RBM19: variants seen among roughly 807,000 people sequenced by gnomAD.
RBM19 encodes probable RNA-binding protein 19.
A neutral mutation model predicts 116.8 loss-of-function variants in RBM19; 94 were observed. The ratio of observed to expected loss-of-function variants is 0.80; its 90% CI spans 0.68 to 0.95. The LOEUF (loss-of-function observed/expected upper bound fraction) is 0.95. Ranked by LOEUF, RBM19 falls within the 40% of genes least tolerant of loss-of-function variation. The pLI, the probability that RBM19 is intolerant of heterozygous loss-of-function variation, is 0.00. For missense variants in RBM19, 1,161 were observed against 1,220.7 expected, an observed-to-expected ratio of 0.95 and a Z score of 0.73; for synonymous variants, 475 against 494.1, an observed-to-expected ratio of 0.96 and a Z score of 0.51.
intron 9 of RBM19, 58 bp downstream of exon 9, chr12:113,950,025 A>C: frequency 7.0e-7 from 1 of 1,437,168 alleles, no homozygotes; most frequent in Admixed American, 1.7e-5. Context: ...TGTAAAGGAA[A>C]TGAAGGAACG....
chr12:113,911,604 A>G (rs567505834), intron 21 of RBM19, among the ~76,000 whole-genome samples: 1 of 152,190 alleles, frequency 6.6e-6, no homozygotes, highest in African/African-American at 2.4e-5. Context: ...CCTCATTTGT[A>G]CAATCTCATT....
At chr12:113,904,789 G>A (rs566922652) in intron 21 of RBM19, among the ~76,000 whole-genome samples, 2 of 152,234 alleles carry the variant, frequency 1.3e-5, no homozygotes, top group African/African-American at 4.8e-5. Context: ...GGATGTGTGT[G>A]TGTGGAGCGG....
At chr12:113,867,927 G>GAATA (rs34927476) in intron 21 of RBM19, among the ~76,000 whole-genome samples, 5,164 of 151,870 alleles carry the variant, frequency 0.034, 166 homozygotes, top group African/African-American at 0.086. Flanking sequence ...ACTCTTGTCT[G>GAATA]AATAAATAAA....
intron 16 of RBM19, among the ~76,000 whole-genome samples, chr12:113,933,393 A>T (rs1282607681): frequency 2.0e-5 from 3 of 151,934 alleles, no homozygotes; most frequent in Non-Finnish European, 4.4e-5. Flanking sequence ...ACCCGCCAGG[A>T]GGGGCTGTGC....
At chr12:113,936,880 G>A in intron 16 of RBM19, 127 bp downstream of exon 16, 1 of 1,272,026 alleles carries the variant, frequency 7.9e-7, no homozygotes. Context: ...TCTGAGCCCT[G>A]CTGGTCTCTA....
intron 22 of RBM19, among the ~76,000 whole-genome samples, chr12:113,855,199 G>A (rs956480149): frequency 6.6e-6 from 1 of 152,206 alleles, no homozygotes; most frequent in African/African-American, 2.4e-5. Flanking sequence ...CAGGGACTGT[G>A]GTGTTGAGGG....
rs1478635694 is a variant in RBM19 at position 113,906,820 on chromosome 12, A to G, written c.2558+8149T>C. On this transcript the variant is annotated intron_variant, in intron 21 of 23. Transcript: ENST00000261741. ...TACTTGAAACCTGTAATGTGACCTT[A>G]CTTAGAAATAGGACCTCTACAGATG... is the stretch of plus-strand genomic sequence containing the variant. Among the ~76,000 whole-genome samples, 3 of 152,000 alleles carry G rather than the reference A, an allele frequency of 2.0e-5. No individual in the cohort carries two copies. In the South Asian group the frequency reaches 6.2e-4, roughly 32 times the overall value.
At chr12:113,884,924 A>G (rs1880419258) in intron 21 of RBM19, among the ~76,000 whole-genome samples, 1 of 152,218 alleles carries the variant, frequency 6.6e-6, no homozygotes, top group South Asian at 2.1e-4. Context: ...CTGATAAAAA[A>G]ATAAGAAAAT....
At chr12:113,891,373 G>C (rs1186419271) in intron 21 of RBM19, among the ~76,000 whole-genome samples, 1 of 152,178 alleles carries the variant, frequency 6.6e-6, no homozygotes, top group African/African-American at 2.4e-5. Context: ...AAGCCCCAGG[G>C]AGTACAAAGA....
chr12:113,858,575 G>T (rs889322818), intron 22 of RBM19, among the ~76,000 whole-genome samples: 2 of 152,202 alleles, frequency 1.3e-5, no homozygotes, highest in African/African-American at 4.8e-5. Flanking sequence ...GAAACTAGGG[G>T]AGGGAAGGGG....
At chr12:113,900,327 C>T (rs1881608575) in intron 21 of RBM19, among the ~76,000 whole-genome samples, 1 of 152,192 alleles carries the variant, frequency 6.6e-6, no homozygotes, top group Non-Finnish European at 1.5e-5. Flanking sequence ...AAATGACATA[C>T]TCTTAGTCAA....
intron 5 of RBM19, 107 bp downstream of exon 5, chr12:113,959,105 G>C: frequency 8.0e-7 from 1 of 1,254,512 alleles, no homozygotes; most frequent in Non-Finnish European, 1.1e-6. Context: ...GAGAGCTCAA[G>C]GGCTCACCTG....
At chr12:113,845,135 G>A (rs1330706682) in intron 22 of RBM19, among the ~76,000 whole-genome samples, 4 of 152,150 alleles carry the variant, frequency 2.6e-5, no homozygotes, top group Non-Finnish European at 4.4e-5. Context: ...TCTGCATGGC[G>A]GCCACTTGAG....
intron 23 of RBM19, among the ~76,000 whole-genome samples, chr12:113,824,067 T>TGAA (rs1874648109): frequency 6.6e-6 from 1 of 152,084 alleles, no homozygotes; most frequent in Non-Finnish European, 1.5e-5. Context: ...TTCAGGGTCA[T>TGAA]GAAGAAAAGC....
chr12:113,832,095 C>T (rs1295128160), intron 23 of RBM19, among the ~76,000 whole-genome samples: 1 of 152,170 alleles, frequency 6.6e-6, no homozygotes, highest in Non-Finnish European at 1.5e-5. Context: ...GTTTCCCAGG[C>T]AACCTCAACC....
chr12:113,919,502 C>T (rs1335101349), intron 19 of RBM19, among the ~76,000 whole-genome samples: 5 of 152,162 alleles, frequency 3.3e-5, no homozygotes, highest in African/African-American at 9.7e-5. Flanking sequence ...ACCTGGGAGG[C>T]GGAGCTTGCA....
intron 19 of RBM19, 97 bp downstream of exon 19, chr12:113,920,514 C>T: frequency 8.8e-7 from 1 of 1,133,232 alleles, no homozygotes; most frequent in African/African-American, 1.5e-5. Flanking sequence ...CAAGTGTAGA[C>T]TTCATACATA....
chr12:113,850,808 C>T (rs1252896788), intron 22 of RBM19, among the ~76,000 whole-genome samples: 1 of 152,250 alleles, frequency 6.6e-6, no homozygotes, highest in African/African-American at 2.4e-5. Flanking sequence ...AGCCAGAGGG[C>T]TGCATCTCTC....
rs1334457739 is a variant in RBM19 at position 113,955,134 on chromosome 12, T to C, written c.918A>G (p.Thr306=). ...CTTGTCCTCAGTTAGCACATACCTC[T>C]GTGACATTGAACGGGGCTCCCCGCA... ...VKLRGAPFNV[T]EKNVMEFLAP... The change falls in exon 7 of 24, where the codon ACA becomes ACG. Residue 306 remains threonine (T), a synonymous_variant. Transcript: ENST00000261741. 2 of 1,614,046 alleles carry C rather than the reference T, an allele frequency of 1.2e-6. No homozygotes were observed. Among genetic ancestry groups the C allele is most frequent in the Admixed American group, 3.3e-5 (2 of 60,028 alleles).
Sources: gnomAD v4.1 joint callset for allele counts (sites outside exome capture counted in the v4.1 genomes callset) on GRCh38, gnomAD v4.1.1 for gene constraint, MANE v1.5 for transcripts, NCBI Gene and HGNC (gene_info 2026-07-23, HGNC 2026-07-21) for gene names.